The following STK33 variants were observed in gnomAD, a reference collection of about 807,000 sequenced individuals.
The protein encoded by STK33 is serine/threonine kinase 33, also known as serine/threonine-protein kinase 33.
STK33 carries 52 observed loss-of-function variants against 58.0 expected under a neutral mutation model. The ratio of observed to expected loss-of-function variants is 0.90; its 90% CI spans 0.72 to 1.13. STK33 has a LOEUF of 1.13. Ranked by LOEUF, STK33 falls within the 50% of genes most tolerant of loss-of-function variation. The pLI is 0.00. For missense variants in STK33, 630 were observed against 604.2 expected, an observed-to-expected ratio of 1.04 and a Z score of -0.45; for synonymous variants, 215 against 200.1, an observed-to-expected ratio of 1.07 and a Z score of -0.63.
chr11:8,555,674 T>A (rs1267240975), intron 1 of STK33, among the ~76,000 whole-genome samples: 1 of 151,280 alleles, frequency 6.6e-6, no homozygotes, highest in Non-Finnish European at 1.5e-5. Flanking sequence ...TAAAATAAAA[T>A]AAAAATAAAA....
intron 1 of STK33, among the ~76,000 whole-genome samples, chr11:8,582,418 A>G (rs1199736118): frequency 6.6e-6 from 1 of 152,238 alleles, no homozygotes; most frequent in African/African-American, 2.4e-5. Flanking sequence ...CTCACAGTTC[A>G]GCATGGCTTG....
the STK33 span, among the ~76,000 whole-genome samples, chr11:8,375,691 T>C: frequency 1.3e-5 from 2 of 152,226 alleles, no homozygotes; most frequent in African/African-American, 2.4e-5. Flanking sequence ...GTTTTCATGA[T>C]AGTGAGTTCT....
In STK33 at chr11:8,405,183, C is replaced by A. The variant is rs1009721798; in HGVS notation, c.1344+8312G>T. Among the ~76,000 whole-genome samples, 12 of 152,126 alleles carry A rather than the reference C, an allele frequency of 7.9e-5. 1 individual carries two copies. On this transcript the variant is annotated intron_variant, in intron 15 of 15. Coordinates refer to ENST00000687296, the MANE Select transcript of STK33 (RefSeq NM_001352389.2). ...CAAACTATATTCTGAAAGAATAGTA[C>A]CATTTTGCATTCCCACCAGCAAGGT... is the stretch of plus-strand genomic sequence containing the variant.
chr11:8,496,470 T>C (rs182085585), intron 1 of STK33, among the ~76,000 whole-genome samples: 6 of 152,326 alleles, frequency 3.9e-5, no homozygotes, highest in Admixed American at 1.3e-4. Flanking sequence ...TTACAAAATT[T>C]AATGTGTTTA....
chr11:8,369,698 G>C, the STK33 span, among the ~76,000 whole-genome samples: 1 of 152,132 alleles, frequency 6.6e-6, no homozygotes, highest in Non-Finnish European at 1.5e-5. Flanking sequence ...TCTTCCTGCT[G>C]ACCCCAGTTT....
chr11:8,450,257 G>C (rs1043356093), intron 11 of STK33, among the ~76,000 whole-genome samples: 4 of 152,058 alleles, frequency 2.6e-5, no homozygotes, highest in Non-Finnish European at 2.9e-5. Context: ...TCCTTTGCAG[G>C]GACATGGACG....
chr11:8,515,529 A>G (rs1445017219), intron 1 of STK33, among the ~76,000 whole-genome samples: 1 of 152,226 alleles, frequency 6.6e-6, no homozygotes, highest in Non-Finnish European at 1.5e-5. Context: ...AGATACCACG[A>G]AAAAGGAAAA....
chr11:8,592,057 G>A (rs553158631), intron 1 of STK33, among the ~76,000 whole-genome samples: 3 of 152,164 alleles, frequency 2.0e-5, no homozygotes, highest in Admixed American at 2.0e-4. Context: ...CTACCTGGAT[G>A]CTCTCTTTCT....
At chr11:8,583,038 T>C (rs890097673) in intron 1 of STK33, among the ~76,000 whole-genome samples, 6 of 152,228 alleles carry the variant, frequency 3.9e-5, no homozygotes, top group African/African-American at 1.2e-4. Context: ...CTCAAGAAGC[T>C]TATTTCATTG....
chr11:8,465,155 A>C (rs569217643), intron 6 of STK33: 1 of 180,012 alleles, frequency 5.6e-6, no homozygotes, highest in African/African-American at 2.4e-5. Flanking sequence ...GAAATGATTT[A>C]TATATATACA....
intron 1 of STK33, among the ~76,000 whole-genome samples, chr11:8,496,863 T>A (rs1030866405): frequency 5.7e-4 from 87 of 152,064 alleles, no homozygotes; most frequent in Non-Finnish European, 1.3e-4. Flanking sequence ...CATGAGCCAC[T>A]GCGCCCGGCT....
At chr11:8,495,052 A>T (rs1950947873) in intron 1 of STK33, among the ~76,000 whole-genome samples, 1 of 152,218 alleles carries the variant, frequency 6.6e-6, no homozygotes, top group Non-Finnish European at 1.5e-5. Context: ...ATTCATGACT[A>T]AAACACCAAC....
At chr11:8,364,063 T>C in the STK33 span, among the ~76,000 whole-genome samples, 1 of 152,228 alleles carries the variant, frequency 6.6e-6, no homozygotes, top group African/African-American at 2.4e-5. Flanking sequence ...GAAATATCTC[T>C]GGAAGTTCCT....
intron 1 of STK33, among the ~76,000 whole-genome samples, chr11:8,496,945 A>G (rs928334112): frequency 3.3e-5 from 5 of 152,138 alleles, no homozygotes; most frequent in African/African-American, 1.2e-4. Flanking sequence ...TTACCATATC[A>G]GTTTTTAGAG....
intron 11 of STK33, among the ~76,000 whole-genome samples, chr11:8,447,525 A>G (rs1480588667): frequency 2.0e-5 from 3 of 152,232 alleles, no homozygotes; most frequent in Admixed American, 6.5e-5. Context: ...AACAGAACCA[A>G]CGACAAAAAC....
the STK33 span, among the ~76,000 whole-genome samples, chr11:8,381,484 C>T: frequency 6.6e-6 from 1 of 152,116 alleles, no homozygotes; most frequent in Non-Finnish European, 1.5e-5. Context: ...GACTAAGCCA[C>T]AAGAGCCTGT....
At chr11:8,400,726 A>G (rs1352735512) in intron 15 of STK33, among the ~76,000 whole-genome samples, 13 of 152,126 alleles carry the variant, frequency 8.5e-5, no homozygotes, top group Non-Finnish European at 1.3e-4. Flanking sequence ...AAACCCCATT[A>G]TCTCAGCCCA....
intron 11 of STK33, among the ~76,000 whole-genome samples, chr11:8,441,339 ATGTGTG>A (rs529093307): frequency 3.3e-5 from 5 of 150,990 alleles, no homozygotes; most frequent in South Asian, 2.1e-4. Flanking sequence ...AAATATATAT[ATGTGTG>A]TGTGTGTGTG....
At chr11:8,579,176 C>T (rs891613394) in intron 1 of STK33, among the ~76,000 whole-genome samples, 2 of 151,724 alleles carry the variant, frequency 1.3e-5, no homozygotes, top group Admixed American at 6.6e-5. Flanking sequence ...TGGCCCAGAC[C>T]CTGAAGAATC....
Sources: gnomAD v4.1 joint callset for allele counts (sites outside exome capture counted in the v4.1 genomes callset) on GRCh38, gnomAD v4.1.1 for gene constraint, MANE v1.5 for transcripts, NCBI Gene and HGNC (gene_info 2026-07-23, HGNC 2026-07-21) for gene names.